The following CLASP2 variants were observed in gnomAD, a reference collection of about 807,000 sequenced individuals.
CLASP2 encodes the protein CLIP-associating protein 2.
A neutral mutation model predicts 194.4 loss-of-function variants in CLASP2; 47 were observed. The observed-to-expected ratio is 0.24, with a 90% CI of 0.19 to 0.31. CLASP2 has a LOEUF of 0.31. Ranked by LOEUF, CLASP2 falls within the 10% of genes least tolerant of loss-of-function variation. CLASP2 has a pLI of 1.00. For synonymous variants in CLASP2, 619 were observed against 633.5 expected, an observed-to-expected ratio of 0.98 and a Z score of 0.34; for missense variants, 1,445 against 1,823.6, an observed-to-expected ratio of 0.79 and a Z score of 3.78.
chr3:33,684,577 C>A, intron 5 of CLASP2, 121 bp from the exon 6 acceptor site: 2 of 503,786 alleles, frequency 4.0e-6, no homozygotes, highest in Middle Eastern at 3.5e-4. Flanking sequence ...AATGCCCCTG[C>A]ATATATGGCT....
Position 33,524,806 on chromosome 3 carries a change from C to T in CLASP2, c.3788-7632G>A, listed in dbSNP as rs9870826. Among the ~76,000 whole-genome samples, 765 of 152,232 alleles carry T rather than the reference C, an allele frequency of 5.0e-3. 11 individuals carry two copies. Among genetic ancestry groups the T allele is most frequent in the African/African-American group, 0.018 (744 of 41,538 alleles). Reference sequence around the variant, plus strand: ...CTATAAACATGTATGCAGCTAATGACAGACCATCAAAATATATGAAGCAAA... The same window carrying T: ...CTATAAACATGTATGCAGCTAATGATAGACCATCAAAATATATGAAGCAAA... On this transcript the variant is annotated intron_variant, in intron 34 of 38. Coordinates refer to ENST00000682230, the MANE Select transcript of CLASP2 (RefSeq NM_001365631.1).
chr3:33,641,824 C>T (rs1166086358), intron 8 of CLASP2, among the ~76,000 whole-genome samples: 5 of 151,122 alleles, frequency 3.3e-5, no homozygotes, highest in African/African-American at 9.7e-5. Context: ...GTCTGGCTTA[C>T]GCCACTATTA....
intron 9 of CLASP2, 55 bp from the exon 10 acceptor site, chr3:33,627,135 A>G: frequency 1.0e-6 from 1 of 979,144 alleles, no homozygotes; most frequent in South Asian, 1.4e-5. Context: ...ACAATATCAA[A>G]ATTATGCCCT....
rs1399257586 is a variant in CLASP2 at position 33,496,370 on chromosome 3, C to A, written c.*2261G>T. The A allele has an allele frequency of 1.3e-5, 2 of 152,054 alleles. No individual in the cohort carries two copies. The highest frequency in any genetic ancestry group is 2.4e-5 in the African/African-American group (1 of 41,412). The allele number at this position is 152,054 out of a possible 1,614,324, so 9.4% of individuals were successfully genotyped here. ...AATATAAACAGTAGCTTTTTGTGAC[C>A]ATTTTTAAGTAGCTGACATCTCAGT... is the stretch of plus-strand genomic sequence containing the variant. On this transcript the variant is annotated 3_prime_UTR_variant, in exon 39 of 39. Coordinates refer to ENST00000682230, the MANE Select transcript of CLASP2 (RefSeq NM_001365631.1).
chr3:33,636,886 C>T (rs1470683083), intron 8 of CLASP2, among the ~76,000 whole-genome samples: 1 of 152,150 alleles, frequency 6.6e-6, no homozygotes, highest in Non-Finnish European at 1.5e-5. Flanking sequence ...CAGGTGTGAG[C>T]CACTATGCCT....
chr3:33,621,080 T>C (rs568975860), intron 11 of CLASP2, among the ~76,000 whole-genome samples: 14 of 151,482 alleles, frequency 9.2e-5, no homozygotes, highest in Non-Finnish European at 1.5e-4. Context: ...CACTGCCAAT[T>C]GTGACCACTT....
At chr3:33,564,602 C>A (rs2062350795) in intron 27 of CLASP2, among the ~76,000 whole-genome samples, 1 of 151,986 alleles carries the variant, frequency 6.6e-6, no homozygotes, top group Non-Finnish European at 1.5e-5. Context: ...ATTTTGTTAT[C>A]ACTTTTGAGA....
intron 27 of CLASP2, among the ~76,000 whole-genome samples, chr3:33,564,579 T>C (rs2154183565): frequency 6.6e-6 from 1 of 152,292 alleles, no homozygotes; most frequent in East Asian, 1.9e-4. Flanking sequence ...TAAGAAATTG[T>C]ACTATTTTAA....
At chr3:33,590,854 T>C (rs1320425846) in intron 21 of CLASP2, among the ~76,000 whole-genome samples, 1 of 152,164 alleles carries the variant, frequency 6.6e-6, no homozygotes, top group Non-Finnish European at 1.5e-5. Flanking sequence ...ACCTAAACAA[T>C]GGCAGAAGAG....
intron 12 of CLASP2, among the ~76,000 whole-genome samples, chr3:33,613,154 A>T (rs758715225): frequency 6.6e-6 from 1 of 152,194 alleles, no homozygotes; most frequent in Non-Finnish European, 1.5e-5. Flanking sequence ...TGTACATTAC[A>T]TATTAATTTT....
rs59941034 is a variant in CLASP2 at position 33,548,746 on chromosome 3, C to T, written c.3153+2506G>A. Among the ~76,000 whole-genome samples, 389 of 149,138 alleles carry T rather than the reference C, an allele frequency of 2.6e-3. 5 individuals are homozygous for T. In the East Asian group the frequency reaches 0.028, roughly 11 times the overall value. On this transcript the variant is annotated intron_variant, in intron 30 of 38. Coordinates refer to ENST00000682230, the MANE Select transcript of CLASP2 (RefSeq NM_001365631.1). The stretch of plus-strand genomic sequence containing the variant: ...AGTGATTTCCTGCCACAATAGGTAA[C>T]GACTACGGTTTCATTTCTTTTTTTT...
At position 33,560,929 on chromosome 3, in the gene CLASP2, C is replaced by T. The variant is rs758104918; in HGVS notation, c.2809G>A (p.Val937Ile). Reference sequence around the variant, plus strand: ...CAATCTTGAAGATCATCTTTGTGGACTTGTATGAAATCCACTAGAGTCTCC... The same window carrying T: ...CAATCTTGAAGATCATCTTTGTGGATTTGTATGAAATCCACTAGAGTCTCC... ...FLETLVDFIQVHKDDLQDWLF... is the reference protein window; with the variant it reads ...FLETLVDFIQIHKDDLQDWLF... Residue 937 changes from valine to isoleucine, a missense_variant, in exon 28 of 39, where the codon GTC becomes ATC. Physicochemically the swap from Val to Ile is conservative, Grantham distance 29. Transcript: ENST00000682230. 2 of 1,613,696 alleles carry T rather than the reference C, an allele frequency of 1.2e-6. No homozygotes were observed. The highest frequency in any genetic ancestry group is 1.7e-6 in the Non-Finnish European group (2 of 1,179,726).
At chr3:33,696,730 T>A in intron 2 of CLASP2, 125 bp downstream of exon 2, 1 of 728,072 alleles carries the variant, frequency 1.4e-6, no homozygotes, top group Non-Finnish European at 2.3e-6. Flanking sequence ...CCTCCCAAAG[T>A]GCTGGGATTA....
Position 33,498,611 on chromosome 3 carries a change from G to A in CLASP2, c.*20C>T. On this transcript the variant is annotated 3_prime_UTR_variant, in exon 39 of 39. Coordinates refer to ENST00000682230, the MANE Select transcript of CLASP2 (RefSeq NM_001365631.1). ...TCTGTCCTTTCTTTTGAGAGACCTG[G>A]TTCGCTGTGATGAGCTTCACTAACT... The A allele has an allele frequency of 6.4e-7, 1 of 1,560,662 alleles. No homozygotes were observed. The highest frequency in any genetic ancestry group is 1.1e-5 in the South Asian group (1 of 88,966).
intron 6 of CLASP2, among the ~76,000 whole-genome samples, chr3:33,682,605 A>G (rs758478680): frequency 6.6e-6 from 1 of 152,218 alleles, no homozygotes; most frequent in Non-Finnish European, 1.5e-5. Flanking sequence ...ATCCTTAATA[A>G]AAGTATATAA....
At chr3:33,614,517 T>C (rs1236887567) in intron 12 of CLASP2, among the ~76,000 whole-genome samples, 3 of 152,194 alleles carry the variant, frequency 2.0e-5, no homozygotes, top group Non-Finnish European at 2.9e-5. Flanking sequence ...TGAAAGACAA[T>C]TGACTCCTAG....
At chr3:33,582,522 G>A (rs2066385681) in intron 22 of CLASP2, among the ~76,000 whole-genome samples, 1 of 152,042 alleles carries the variant, frequency 6.6e-6, no homozygotes, top group Non-Finnish European at 1.5e-5. Context: ...AGCTGGGGAT[G>A]GTGGCACATG....
intron 1 of CLASP2, among the ~76,000 whole-genome samples, chr3:33,711,648 A>G (rs1337934743): frequency 6.6e-6 from 1 of 150,466 alleles, no homozygotes; most frequent in Admixed American, 6.7e-5. Context: ...TAATATCCAG[A>G]ATCTACAGGG....
At position 33,594,969 on chromosome 3, in the gene CLASP2, CTAAA is replaced by C; in HGVS notation, c.1949-5_1949-2del. Reference sequence around the variant, plus strand: ...TTCTTACCATCTTCAGATGCTGTTCCTAAATAAGAAAAATAAAACAACATTTCAA... The same window carrying C: ...TTCTTACCATCTTCAGATGCTGTTCCTAAGAAAAATAAAACAACATTTCAA... On this transcript the variant is annotated splice_acceptor_variant and splice_polypyrimidine_tract_variant and intron_variant, in intron 19 of 38. Coordinates refer to ENST00000682230, the MANE Select transcript of CLASP2 (RefSeq NM_001365631.1). LOFTEE classifies it high-confidence loss of function. 9 of 1,427,160 alleles carry C rather than the reference CTAAA, an allele frequency of 6.3e-6. No individual in the cohort carries two copies. Among genetic ancestry groups the C allele is most frequent in the Non-Finnish European group, 8.4e-6 (9 of 1,069,292 alleles). The allele number at this position is 1,427,160 out of a possible 1,614,324, so 88.4% of individuals were successfully genotyped here.
Sources: gnomAD v4.1 joint callset for allele counts (sites outside exome capture counted in the v4.1 genomes callset) on GRCh38, gnomAD v4.1.1 for gene constraint, MANE v1.5 for transcripts, NCBI Gene and HGNC (gene_info 2026-07-23, HGNC 2026-07-21) for gene names.